Variants in DENND1A observed in about 807,000 individuals in gnomAD.
The protein encoded by DENND1A is DENN domain containing 1A.
In DENND1A, 51 loss-of-function variants were observed where a neutral mutation model predicts 113.7. The ratio of observed to expected loss-of-function variants is 0.45; its 90% CI spans 0.36 to 0.57. The LOEUF is 0.57. Among genes scored for constraint, DENND1A ranks in the 20% least tolerant of loss-of-function variants. The probability of loss-of-function intolerance (pLI) is 0.00; values close to 1 mark genes in which losing one functional copy is unlikely to be tolerated. For missense variants in DENND1A, 1,258 were observed against 1,395.9 expected (o/e 0.90, Z 1.57); for synonymous variants, 565 against 570.8 (o/e 0.99, Z 0.14).
At chr9:123,479,673 A>G (rs2050182722) in intron 13 of DENND1A, among the ~76,000 whole-genome samples, 1 of 152,240 alleles carries the variant, frequency 6.6e-6, no homozygotes, top group South Asian at 2.1e-4. Context: ...TCTGGATGCC[A>G]GAGTTTTGAC....
At chr9:123,477,285 G>A (rs1317864078) in intron 13 of DENND1A, among the ~76,000 whole-genome samples, 4 of 152,192 alleles carry the variant, frequency 2.6e-5, no homozygotes, top group Non-Finnish European at 5.9e-5. Flanking sequence ...ATCCCAGTGC[G>A]TTGGGAGGCC....
chr9:123,823,257 A>G (rs1327962568), intron 2 of DENND1A, among the ~76,000 whole-genome samples: 1 of 152,264 alleles, frequency 6.6e-6, no homozygotes, highest in Non-Finnish European at 1.5e-5. Flanking sequence ...GAGAAGAATT[A>G]AAAGGCTTCC....
intron 10 of DENND1A, among the ~76,000 whole-genome samples, chr9:123,615,600 T>A (rs1470218429): frequency 2.0e-5 from 3 of 152,236 alleles, no homozygotes; most frequent in Admixed American, 2.0e-4. Flanking sequence ...CCCACAGGCC[T>A]CAGCTTCACT....
intron 13 of DENND1A, among the ~76,000 whole-genome samples, chr9:123,489,735 C>G (rs1360797338): frequency 6.6e-6 from 1 of 152,160 alleles, no homozygotes; most frequent in African/African-American, 2.4e-5. Flanking sequence ...GACGAGGCTA[C>G]TTTAGACACA....
intron 2 of DENND1A, among the ~76,000 whole-genome samples, chr9:123,823,938 AT>A (rs1442733478): frequency 6.6e-6 from 1 of 152,218 alleles, no homozygotes; most frequent in Non-Finnish European, 1.5e-5. Flanking sequence ...CCTAAGTTCA[AT>A]TTGAGATGTC....
At chr9:123,762,874 G>A (rs1372069305) in intron 4 of DENND1A, among the ~76,000 whole-genome samples, 1 of 152,190 alleles carries the variant, frequency 6.6e-6, no homozygotes, top group Non-Finnish European at 1.5e-5. Context: ...AAGAAACAGG[G>A]CACTGGGTTG....
chr9:123,419,819 C>G (rs996683132), intron 19 of DENND1A, among the ~76,000 whole-genome samples: 3 of 152,246 alleles, frequency 2.0e-5, no homozygotes, highest in Non-Finnish European at 4.4e-5. Flanking sequence ...TAGCCCCCAG[C>G]GCCCATCGCT....
intron 13 of DENND1A, among the ~76,000 whole-genome samples, chr9:123,518,958 T>C (rs1249185577): frequency 6.6e-6 from 1 of 152,222 alleles, no homozygotes; most frequent in Admixed American, 6.5e-5. Context: ...AAACCTTGCA[T>C]GACGTGAACC....
intron 2 of DENND1A, among the ~76,000 whole-genome samples, chr9:123,837,823 A>G (rs1841262316): frequency 6.6e-6 from 1 of 152,232 alleles, no homozygotes; most frequent in Non-Finnish European, 1.5e-5. Flanking sequence ...CTGATGGCAT[A>G]AAACATATAA....
At chr9:123,603,721 G>A (rs2060030808) in intron 11 of DENND1A, among the ~76,000 whole-genome samples, 2 of 152,316 alleles carry the variant, frequency 1.3e-5, no homozygotes, top group African/African-American at 4.8e-5. Flanking sequence ...AAACTGAGGT[G>A]TAGAAAAAGT....
intron 5 of DENND1A, among the ~76,000 whole-genome samples, chr9:123,689,795 C>T (rs746390651): frequency 4.0e-5 from 6 of 151,862 alleles, no homozygotes; most frequent in Non-Finnish European, 8.8e-5. Flanking sequence ...CATGGGGAAA[C>T]CCTGTCTCTA....
chr9:123,542,947 T>G (rs1182766681), intron 13 of DENND1A, among the ~76,000 whole-genome samples: 1 of 152,236 alleles, frequency 6.6e-6, no homozygotes, highest in East Asian at 1.9e-4. Context: ...CTGTTGTCCT[T>G]AGATCCTGAC....
intron 7 of DENND1A, 21 bp downstream of exon 7, chr9:123,671,270 C>T (rs183874369): frequency 3.1e-6 from 5 of 1,613,544 alleles, no homozygotes; most frequent in Non-Finnish European, 4.2e-6. Flanking sequence ...TCAGTGATGG[C>T]TAATACTCCG....
chr9:123,622,042 C>G (rs763185628), intron 10 of DENND1A, among the ~76,000 whole-genome samples: 6 of 152,166 alleles, frequency 3.9e-5, no homozygotes. Context: ...AGAGGAAGAA[C>G]GGCTTCCAGA....
chr9:123,810,273 C>G (rs7035102), intron 2 of DENND1A, among the ~76,000 whole-genome samples: 3,388 of 152,198 alleles, frequency 0.022, 143 homozygotes, highest in African/African-American at 0.076. Flanking sequence ...CAACTCTTTT[C>G]TGGGTGGAAC....
chr9:123,896,098 G>A (rs549994601), intron 1 of DENND1A, among the ~76,000 whole-genome samples: 1 of 151,940 alleles, frequency 6.6e-6, no homozygotes, highest in African/African-American at 2.4e-5. Context: ...AGGAATATGA[G>A]ACCAGCCTGG....
At chr9:123,719,504 T>C (rs760053095) in intron 5 of DENND1A, among the ~76,000 whole-genome samples, 6 of 152,218 alleles carry the variant, frequency 3.9e-5, no homozygotes, top group Non-Finnish European at 5.9e-5. Flanking sequence ...TCATCATCCT[T>C]GCAACGACTG....
At chr9:123,482,730 A>C (rs1037083568) in intron 13 of DENND1A, among the ~76,000 whole-genome samples, 2 of 152,246 alleles carry the variant, frequency 1.3e-5, no homozygotes, top group African/African-American at 4.8e-5. Context: ...ACAAAGAACA[A>C]GGTCCCAAGA....
intron 13 of DENND1A, among the ~76,000 whole-genome samples, chr9:123,509,754 G>A (rs2053286304): frequency 6.6e-6 from 1 of 152,136 alleles, no homozygotes. Flanking sequence ...GCTTACACTT[G>A]GAGGACCCAC....
Sources: gnomAD v4.1 joint callset for allele counts (sites outside exome capture counted in the v4.1 genomes callset) on GRCh38, gnomAD v4.1.1 for gene constraint, MANE v1.5 for transcripts, NCBI Gene and HGNC (gene_info 2026-07-23, HGNC 2026-07-21) for gene names.